The following TANC2 variants were observed in gnomAD, a reference collection of about 807,000 sequenced individuals.
The protein encoded by TANC2 is protein TANC2.
In TANC2, 26 loss-of-function variants were observed where a neutral mutation model predicts 210.5. That is an observed-to-expected ratio of 0.12 (90% confidence interval 0.09 to 0.17). The LOEUF (loss-of-function observed/expected upper bound fraction) is 0.17, where lower values mean the gene tolerates loss of function less well. TANC2 is among the 10% of genes least tolerant of loss of function. The pLI is 1.00. For missense variants in TANC2, 2,129 were observed against 2,608.9 expected, an observed-to-expected ratio of 0.82 and a Z score of 4.01; for synonymous variants, 931 against 967.1, an observed-to-expected ratio of 0.96 and a Z score of 0.69.
At chr17:63,018,798 G>A (rs953583719) in intron 2 of TANC2, among the ~76,000 whole-genome samples, 6 of 152,140 alleles carry the variant, frequency 3.9e-5, no homozygotes, top group Non-Finnish European at 8.8e-5. Context: ...ATATAAATGA[G>A]TTGTACAGTA....
intron 2 of TANC2, among the ~76,000 whole-genome samples, chr17:63,043,394 TATAC>T (rs2035264292): frequency 6.6e-6 from 1 of 152,102 alleles, no homozygotes; most frequent in African/African-American, 2.4e-5. Context: ...TATAAACCCA[TATAC>T]ATACATATAT....
At chr17:63,143,155 A>G (rs1296244379) in intron 4 of TANC2, among the ~76,000 whole-genome samples, 2 of 152,230 alleles carry the variant, frequency 1.3e-5, no homozygotes, top group South Asian at 2.1e-4. Flanking sequence ...TTCTAACAAA[A>G]TAATTTTCAT....
At chr17:63,150,711 G>A (rs2039620443) in intron 4 of TANC2, 1 of 152,162 alleles carries the variant, frequency 6.6e-6, no homozygotes, top group Non-Finnish European at 1.5e-5. Flanking sequence ...ACGTAGATTA[G>A]GCCTGATGGC....
At chr17:63,050,884 A>G (rs1266295802) in intron 2 of TANC2, among the ~76,000 whole-genome samples, 1 of 152,250 alleles carries the variant, frequency 6.6e-6, no homozygotes, top group Non-Finnish European at 1.5e-5. Context: ...ACTCTTTCAA[A>G]TGAGTACAGT....
intron 4 of TANC2, among the ~76,000 whole-genome samples, chr17:63,145,025 G>GT (rs1009304868): frequency 1.3e-3 from 194 of 149,598 alleles, no homozygotes; most frequent in African/African-American, 4.2e-3. Context: ...CCTTCTCTCT[G>GT]TTTTTTTTTG....
intron 3 of TANC2, among the ~76,000 whole-genome samples, chr17:63,098,805 C>T (rs2037510552): frequency 6.6e-6 from 1 of 151,824 alleles, no homozygotes; most frequent in South Asian, 2.1e-4. Flanking sequence ...ATCCTACTAG[C>T]AATTGCACAC....
At chr17:62,969,277 C>T (rs1367288605) in intron 1 of TANC2, among the ~76,000 whole-genome samples, 5 of 152,186 alleles carry the variant, frequency 3.3e-5, no homozygotes, top group African/African-American at 9.7e-5. Flanking sequence ...ATCTGAAACA[C>T]AGAGAGGTTA....
chr17:63,022,766 C>G (rs1342355244), intron 2 of TANC2, among the ~76,000 whole-genome samples: 2 of 152,130 alleles, frequency 1.3e-5, no homozygotes, highest in East Asian at 3.9e-4. Context: ...CTTCAGGTGT[C>G]TACTCCTTGC....
At chr17:63,382,064 C>T (rs2047629554) in intron 15 of TANC2, among the ~76,000 whole-genome samples, 1 of 152,200 alleles carries the variant, frequency 6.6e-6, no homozygotes, top group South Asian at 2.1e-4. Flanking sequence ...TTGAACCAAA[C>T]TGACGCTCTT....
intron 5 of TANC2, among the ~76,000 whole-genome samples, chr17:63,167,024 T>C (rs1427944294): frequency 6.6e-6 from 1 of 152,084 alleles, no homozygotes; most frequent in Non-Finnish European, 1.5e-5. Context: ...GAATTATGAA[T>C]GGAGAAAGAA....
chr17:63,380,868 T>G (rs1441135194), intron 15 of TANC2, among the ~76,000 whole-genome samples: 1 of 152,240 alleles, frequency 6.6e-6, no homozygotes, highest in Non-Finnish European at 1.5e-5. Context: ...TATTTGAATC[T>G]TACTTGTCTT....
intron 5 of TANC2, among the ~76,000 whole-genome samples, chr17:63,161,943 A>G (rs2040040607): frequency 6.6e-6 from 1 of 152,142 alleles, no homozygotes; most frequent in Non-Finnish European, 1.5e-5. Context: ...CATTGACACT[A>G]TTAAAATTGC....
At chr17:63,181,802 C>T (rs1265043239) in intron 5 of TANC2, among the ~76,000 whole-genome samples, 1 of 152,220 alleles carries the variant, frequency 6.6e-6, no homozygotes, top group Admixed American at 6.5e-5. Flanking sequence ...TGCTGTTTCC[C>T]TTGCTCTTGG....
intron 2 of TANC2, among the ~76,000 whole-genome samples, chr17:63,013,597 A>G (rs62076622): frequency 0.16 from 23,828 of 151,968 alleles, 2,378 homozygotes; most frequent in South Asian, 0.35. Context: ...TCCAGTCTCT[A>G]TTAAAAATGC....
intron 9 of TANC2, among the ~76,000 whole-genome samples, chr17:63,310,236 C>T (rs996090966): frequency 6.6e-6 from 1 of 152,122 alleles, no homozygotes; most frequent in Admixed American, 6.5e-5. Context: ...CACTTAAGGT[C>T]AGGAGTTCGA....
At chr17:63,356,119 T>G (rs887319613) in intron 14 of TANC2, among the ~76,000 whole-genome samples, 1 of 151,876 alleles carries the variant, frequency 6.6e-6, no homozygotes, top group African/African-American at 2.4e-5. Flanking sequence ...GATCACTGAT[T>G]TACCCCAGCA....
intron 4 of TANC2, among the ~76,000 whole-genome samples, chr17:63,126,152 G>A (rs1234619244): frequency 1.3e-5 from 2 of 152,112 alleles, no homozygotes; most frequent in South Asian, 4.1e-4. Context: ...TGTGGTTTAC[G>A]TCTTGTCTCC....
At chr17:63,098,466 ACACACACACACACATACACTCTCTCT>A (rs1230562384) in intron 3 of TANC2, among the ~76,000 whole-genome samples, 3 of 38,232 alleles carry the variant, frequency 7.8e-5, no homozygotes, top group African/African-American at 5.4e-4. Context: ...ACACACACAC[ACACACACACACACATACACTCTCTCT>A]CTCTCTCTCT....
chr17:63,354,694 A>C (rs1335148785), intron 13 of TANC2, 89 bp from the exon 14 acceptor site: 6 of 1,484,592 alleles, frequency 4.0e-6, no homozygotes, highest in Non-Finnish European at 5.4e-6. Flanking sequence ...TTCGAAGTTC[A>C]GAATACATTT....
Sources: gnomAD v4.1 joint callset for allele counts (sites outside exome capture counted in the v4.1 genomes callset) on GRCh38, gnomAD v4.1.1 for gene constraint, MANE v1.5 for transcripts, NCBI Gene and HGNC (gene_info 2026-07-23, HGNC 2026-07-21) for gene names.